The following MAN2B2 variants were observed in gnomAD, a reference collection of about 807,000 sequenced individuals.
The protein encoded by MAN2B2 is epididymis-specific alpha-mannosidase.
A neutral mutation model predicts 117.1 loss-of-function variants in MAN2B2; 106 were observed. The ratio of observed to expected loss-of-function variants is 0.90; its 90% CI spans 0.77 to 1.06. The LOEUF (loss-of-function observed/expected upper bound fraction) is 1.06, where lower values mean the gene tolerates loss of function less well. Ranked by LOEUF, MAN2B2 falls within the 50% of genes least tolerant of loss-of-function variation. The pLI, the probability that MAN2B2 is intolerant of heterozygous loss-of-function variation, is 0.00. For missense variants in MAN2B2, 1,326 were observed against 1,381.4 expected (o/e 0.96, Z 0.64); for synonymous variants, 544 against 595.1 (o/e 0.91, Z 1.25).
Position 6,592,909 on chromosome 4 carries a change from G to A in MAN2B2, c.681-264G>A, listed in dbSNP as rs145484334. Among the ~76,000 whole-genome samples the A allele has an allele frequency of 2.2e-4, 33 of 152,302 alleles. No homozygotes were observed. The East Asian group carries it at 5.6e-3, about 26-fold the overall frequency. ...ATTGAGGCACCCCCATAAATTTTGT[G>A]CCCTAGGCCAGGGCCTCACTTGCCT... On this transcript the variant is annotated intron_variant, in intron 5 of 18. Transcript: ENST00000285599.
chr4:6,594,918 C>T (rs1457221194), intron 7 of MAN2B2, among the ~76,000 whole-genome samples, 186 bp downstream of exon 7: 1 of 152,170 alleles, frequency 6.6e-6, no homozygotes, highest in East Asian at 1.9e-4. Flanking sequence ...GACGTCCTGG[C>T]CACCACATGC....
chr4:6,607,372 A>G (rs1439794064), intron 11 of MAN2B2, among the ~76,000 whole-genome samples: 1 of 152,120 alleles, frequency 6.6e-6, no homozygotes, highest in Non-Finnish European at 1.5e-5. Flanking sequence ...ACACCCAGCT[A>G]ATTTTTGTGT....
intron 3 of MAN2B2, among the ~76,000 whole-genome samples, chr4:6,580,782 G>A (rs1726396217): frequency 6.6e-6 from 1 of 152,168 alleles, no homozygotes; most frequent in African/African-American, 2.4e-5. Context: ...GGTGGGCGCT[G>A]AACTGCCCTG....
intron 4 of MAN2B2, among the ~76,000 whole-genome samples, chr4:6,587,744 G>A (rs1726690770): frequency 7.8e-6 from 1 of 128,050 alleles, no homozygotes; most frequent in African/African-American, 2.8e-5. Flanking sequence ...GGTCTTTTGG[G>A]TTGTTGTTTT....
chr4:6,611,556 G>A (rs1387817135), intron 15 of MAN2B2, among the ~76,000 whole-genome samples: 1 of 147,440 alleles, frequency 6.8e-6, no homozygotes, highest in Admixed American at 6.6e-5. Context: ...CTTCTCTGAT[G>A]TATCTTTTCC....
intron 9 of MAN2B2, among the ~76,000 whole-genome samples, chr4:6,599,909 G>C (rs1264586534): frequency 1.3e-5 from 2 of 152,252 alleles, no homozygotes; most frequent in South Asian, 2.1e-4. Context: ...CTGGGGTCTG[G>C]CTTCACTGCC....
At chr4:6,591,315 T>A (rs1726852070) in intron 5 of MAN2B2, among the ~76,000 whole-genome samples, 2 of 152,226 alleles carry the variant, frequency 1.3e-5, no homozygotes, top group South Asian at 2.1e-4. Flanking sequence ...GATGGTTGAA[T>A]ACACACCACC....
At chr4:6,585,592 C>T (rs898502496) in intron 3 of MAN2B2, among the ~76,000 whole-genome samples, 14 of 152,162 alleles carry the variant, frequency 9.2e-5, no homozygotes, top group Admixed American at 2.0e-4. Flanking sequence ...TGATCTATTT[C>T]CGTGTAGCAA....
intron 9 of MAN2B2, among the ~76,000 whole-genome samples, chr4:6,598,600 CA>C (rs1727203057): frequency 6.6e-6 from 1 of 152,188 alleles, no homozygotes; most frequent in African/African-American, 2.4e-5. Flanking sequence ...ATGTTTTGAG[CA>C]TTTACTAAGC....
intron 3 of MAN2B2, among the ~76,000 whole-genome samples, chr4:6,579,069 T>TCAC (rs1268202029): frequency 0.032 from 1,349 of 42,346 alleles, 9 homozygotes; most frequent in Middle Eastern, 0.052. Context: ...ACCATCACCA[T>TCAC]CACCACCACC....
intron 2 of MAN2B2, 74 bp from the exon 3 acceptor site, chr4:6,578,319 G>GGT: frequency 9.1e-7 from 1 of 1,101,034 alleles, no homozygotes; most frequent in South Asian, 1.3e-5. Context: ...TGGCGCTGTA[G>GGT]GTGTGTTCCC....
At chr4:6,617,005 G>A (rs1160914913) in intron 16 of MAN2B2, among the ~76,000 whole-genome samples, 1 of 152,188 alleles carries the variant, frequency 6.6e-6, no homozygotes, top group Admixed American at 6.5e-5. Context: ...TGGATAGGGA[G>A]GCCTCACAAT....
intron 15 of MAN2B2, among the ~76,000 whole-genome samples, chr4:6,613,628 G>A: frequency 6.8e-6 from 1 of 146,974 alleles, no homozygotes; most frequent in Non-Finnish European, 1.5e-5. Context: ...GGGAGGGGAG[G>A]GGAGGGGAGG....
rs147496810 is a variant in MAN2B2, at chr4:6,596,221, G to T, written c.1058-892G>T. ...TGGGCGTGGTATCCAGGCGGGCATG[G>T]TATCGTGATGACCACTGAGGATGTG... On this transcript the variant is annotated intron_variant, in intron 7 of 18. Coordinates refer to ENST00000285599, the MANE Select transcript of MAN2B2 (RefSeq NM_015274.3). 3.9e-5 allele frequency among the ~76,000 whole-genome samples: 6 copies of T among 152,192 alleles called. 1 individual carries two copies. The highest frequency in any genetic ancestry group is 2.0e-4 in the Admixed American group (3 of 15,280).
intron 5 of MAN2B2, among the ~76,000 whole-genome samples, chr4:6,592,130 G>A (rs1259656528): frequency 2.6e-5 from 4 of 152,350 alleles, no homozygotes; most frequent in Admixed American, 2.6e-4. Flanking sequence ...CCCTGGCCAG[G>A]TGCTTAGCCT....
chr4:6,612,317 T>C (rs1209764653), intron 15 of MAN2B2, among the ~76,000 whole-genome samples: 1 of 152,002 alleles, frequency 6.6e-6, no homozygotes, highest in Admixed American at 6.6e-5. Context: ...GGATTCAGGG[T>C]GGAGAAGGAG....
intron 7 of MAN2B2, 57 bp downstream of exon 7, chr4:6,594,789 G>T (rs1727012698): frequency 1.3e-6 from 2 of 1,499,916 alleles, no homozygotes; most frequent in East Asian, 2.4e-5. Context: ...TATAGTCCAC[G>T]TACCCTCTGC....
At position 6,616,742 on chromosome 4, in the gene MAN2B2, T is replaced by C. The variant is rs1223655078; in HGVS notation, c.2702-638T>C. Reference sequence around the variant, plus strand: ...ACAACAGTGGACGAGGATGGAAACATTGCAGCTGGTGTCATGGTGGGCAGC... The same window carrying C: ...ACAACAGTGGACGAGGATGGAAACACTGCAGCTGGTGTCATGGTGGGCAGC... On this transcript the variant is annotated intron_variant, in intron 16 of 18. Coordinates refer to ENST00000285599, the MANE Select transcript of MAN2B2 (RefSeq NM_015274.3). Among the ~76,000 whole-genome samples, 4 of 152,020 alleles carry C rather than the reference T, an allele frequency of 2.6e-5. No homozygotes were observed. In the East Asian group the frequency reaches 5.8e-4, roughly 22 times the overall value.
chr4:6,607,516 TAGC>T (rs1727600100), intron 11 of MAN2B2, among the ~76,000 whole-genome samples: 1 of 152,246 alleles, frequency 6.6e-6, no homozygotes, highest in Admixed American at 6.5e-5. Context: ...ACAACCCACT[TAGC>T]ATGTTTTCAA....
Sources: allele counts gnomAD v4.1 joint callset (sites outside exome capture counted in the v4.1 genomes callset), GRCh38; gene constraint gnomAD v4.1.1; transcripts MANE v1.5; gene names NCBI Gene and HGNC (gene_info 2026-07-23, HGNC 2026-07-21).